The following KIF6 variants were observed in gnomAD, a reference collection of about 807,000 sequenced individuals.
KIF6 encodes the protein kinesin-like protein KIF6.
In KIF6, 106 loss-of-function variants were observed where a neutral mutation model predicts 112.7. That is an observed-to-expected ratio of 0.94 (90% CI 0.80 to 1.11). The LOEUF (loss-of-function observed/expected upper bound fraction) is 1.11. KIF6 is among the 50% of genes least tolerant of loss of function. The pLI is 0.00. For synonymous variants in KIF6, 339 were observed against 339.9 expected (o/e 1.00, Z 0.03); for missense variants, 929 against 964.0 (o/e 0.96, Z 0.48).
chr6:39,419,433 G>T (rs936097258), intron 15 of KIF6, among the ~76,000 whole-genome samples: 1 of 151,928 alleles, frequency 6.6e-6, no homozygotes, highest in South Asian at 2.1e-4. Context: ...CCTTTGCAGG[G>T]GTACTCACCT....
intron 3 of KIF6, among the ~76,000 whole-genome samples, chr6:39,661,177 C>T (rs1786121013): frequency 6.6e-6 from 1 of 152,170 alleles, no homozygotes; most frequent in Non-Finnish European, 1.5e-5. Flanking sequence ...AATTTTTACT[C>T]TACAATTATG....
intron 13 of KIF6, among the ~76,000 whole-genome samples, chr6:39,504,131 G>T (rs902209734): frequency 2.0e-5 from 3 of 152,026 alleles, no homozygotes; most frequent in Non-Finnish European, 2.9e-5. Flanking sequence ...AACTGAATCT[G>T]GCAGCACATC....
intron 2 of KIF6, among the ~76,000 whole-genome samples, chr6:39,717,734 G>A (rs1405184874): frequency 2.0e-5 from 3 of 152,024 alleles, no homozygotes; most frequent in Non-Finnish European, 4.4e-5. Context: ...TAGCCAATAA[G>A]TATTTATTGG....
intron 10 of KIF6, among the ~76,000 whole-genome samples, chr6:39,546,763 T>C (rs1313649395): frequency 6.6e-6 from 1 of 151,316 alleles, no homozygotes; most frequent in Non-Finnish European, 1.5e-5. Flanking sequence ...GAGGCAGAGG[T>C]TGCAGTGGGT....
intron 13 of KIF6, among the ~76,000 whole-genome samples, chr6:39,504,700 C>A (rs1284473726): frequency 1.3e-5 from 2 of 152,026 alleles, no homozygotes; most frequent in East Asian, 3.9e-4. Flanking sequence ...TCCTATATAC[C>A]AACAACAGGC....
intron 6 of KIF6, among the ~76,000 whole-genome samples, chr6:39,598,577 A>ATCTG (rs1554132972): frequency 6.8e-6 from 1 of 147,860 alleles, no homozygotes; most frequent in Non-Finnish European, 1.5e-5. Context: ...ATACATATAT[A>ATCTG]TGTGTGTGTG....
chr6:39,408,502 C>T (rs1423980424), intron 15 of KIF6, among the ~76,000 whole-genome samples: 2 of 152,118 alleles, frequency 1.3e-5, no homozygotes, highest in Non-Finnish European at 1.5e-5. Flanking sequence ...TAGTTTATTT[C>T]ACCATAAAAA....
intron 10 of KIF6, chr6:39,555,008 C>T (rs1448231514): frequency 1.3e-5 from 2 of 155,604 alleles, no homozygotes; most frequent in African/African-American, 4.8e-5. Context: ...GCCTGGGGAC[C>T]AACCCCTACC....
chr6:39,355,459 C>CT (rs574801087), intron 19 of KIF6, among the ~76,000 whole-genome samples: 1,469 of 82,710 alleles, frequency 0.018, 29 homozygotes, highest in Non-Finnish European at 0.022. Flanking sequence ...TTTAAGAAGT[C>CT]TTTTTTTTTT....
intron 15 of KIF6, among the ~76,000 whole-genome samples, chr6:39,416,408 G>T (rs1040341045): frequency 1.3e-5 from 2 of 152,184 alleles, no homozygotes; most frequent in Non-Finnish European, 2.9e-5. Flanking sequence ...GTGAAGAAAA[G>T]CAGCCGAATG....
chr6:39,638,350 G>C (rs1784734133), intron 4 of KIF6, among the ~76,000 whole-genome samples: 2 of 152,188 alleles, frequency 1.3e-5, no homozygotes, highest in African/African-American at 2.4e-5. Flanking sequence ...TGTACCTCCA[G>C]TGATCTTTCT....
intron 13 of KIF6, among the ~76,000 whole-genome samples, chr6:39,449,375 A>T (rs1222001049): frequency 2.0e-5 from 3 of 152,160 alleles, no homozygotes; most frequent in Non-Finnish European, 2.9e-5. Flanking sequence ...TTCTTTGTTC[A>T]TGCCTTCTTG....
chr6:39,623,110 A>T lies in KIF6; in HGVS notation c.510-9792T>A, dbSNP rs75900175. Among the ~76,000 whole-genome samples, 1,185 of 152,292 alleles carry T rather than the reference A, an allele frequency of 7.8e-3. 19 individuals carry two copies. The highest frequency in any genetic ancestry group is 0.027 in the African/African-American group (1,127 of 41,570). ...TTCCCTCTACCTACATTAAATGATT[A>T]CATTGTATAGAATATGATTCTGGTT... On this transcript the variant is annotated intron_variant, in intron 5 of 22. Coordinates refer to ENST00000287152, the MANE Select transcript of KIF6 (RefSeq NM_145027.6).
intron 10 of KIF6, among the ~76,000 whole-genome samples, chr6:39,577,594 G>C (rs1227778481): frequency 1.3e-5 from 2 of 152,202 alleles, no homozygotes; most frequent in African/African-American, 4.8e-5. Context: ...TTCCCAGTTA[G>C]AGTGTTCGAG....
At chr6:39,535,696 C>T (rs1022888304) in intron 13 of KIF6, among the ~76,000 whole-genome samples, 11 of 152,306 alleles carry the variant, frequency 7.2e-5, no homozygotes, top group African/African-American at 2.2e-4. Flanking sequence ...TTGAACTCAG[C>T]TCTGCACCAA....
intron 5 of KIF6, among the ~76,000 whole-genome samples, chr6:39,622,988 A>C (rs1783910028): frequency 1.3e-5 from 2 of 152,184 alleles, no homozygotes; most frequent in South Asian, 4.1e-4. Flanking sequence ...GTGGCAAGGA[A>C]CAGACTATTT....
chr6:39,609,282 G>T (rs1378017562), intron 6 of KIF6, among the ~76,000 whole-genome samples: 1 of 152,106 alleles, frequency 6.6e-6, no homozygotes, highest in Non-Finnish European at 1.5e-5. Context: ...CCACCCAGGG[G>T]ACCCCGGACT....
At chr6:39,419,853 T>G in intron 15 of KIF6, 95 bp downstream of exon 15, 1 of 1,077,790 alleles carries the variant, frequency 9.3e-7, no homozygotes, top group Non-Finnish European at 1.4e-6. Flanking sequence ...AAACTGGCCA[T>G]TTGGGGCTTC....
chr6:39,719,347 A>G (rs9462562), intron 2 of KIF6, among the ~76,000 whole-genome samples: 1 of 149,896 alleles, frequency 6.7e-6, no homozygotes, highest in East Asian at 2.0e-4. Flanking sequence ...TAAAAAGAAA[A>G]AGAGAGAGAG....
Sources: gnomAD v4.1 joint callset for allele counts (sites outside exome capture counted in the v4.1 genomes callset) on GRCh38, gnomAD v4.1.1 for gene constraint, MANE v1.5 for transcripts, NCBI Gene and HGNC (gene_info 2026-07-23, HGNC 2026-07-21) for gene names.